TRPC3: variants seen among roughly 807,000 people sequenced by gnomAD.
TRPC3 encodes short transient receptor potential channel 3.
In TRPC3, 54 loss-of-function variants were observed where a neutral mutation model predicts 90.9. The ratio of observed to expected loss-of-function variants is 0.59; its 90% CI spans 0.48 to 0.75. The LOEUF (loss-of-function observed/expected upper bound fraction) is 0.75. TRPC3 is among the 30% of genes least tolerant of loss of function. The pLI is 0.00. For synonymous variants in TRPC3, 424 were observed against 450.9 expected (o/e 0.94, Z 0.75); for missense variants, 918 against 1,194.5 (o/e 0.77, Z 3.41).
Position 121,874,895 on chromosome 4 carries a change from G to T in TRPC3, c.*4841C>A, listed in dbSNP as rs1007514138. Among the ~76,000 whole-genome samples the T allele has an allele frequency of 6.6e-6, 1 of 152,000 alleles. No homozygotes were observed. Among genetic ancestry groups the T allele is most frequent in the African/African-American group, 2.4e-5 (1 of 41,344 alleles). ...TGCCTGTAGTCTCAGCTATTTGAAG[G>T]CTGAGGCTCAAGATTGCTTGAGCCC... On this transcript the variant is annotated 3_prime_UTR_variant, in exon 12 of 12. Transcript: ENST00000379645.
chr4:121,946,802 C>T (rs1398466528), intron 1 of TRPC3, among the ~76,000 whole-genome samples: 2 of 152,094 alleles, frequency 1.3e-5, no homozygotes, highest in East Asian at 3.8e-4. Context: ...ATAAAAATAA[C>T]TTAAACCAAC....
chr4:121,943,029 A>G (rs1197787571), intron 1 of TRPC3, among the ~76,000 whole-genome samples: 3 of 152,170 alleles, frequency 2.0e-5, no homozygotes, highest in African/African-American at 7.2e-5. Flanking sequence ...CTATCTCCCC[A>G]ATGATATTAA....
At chr4:121,912,239 T>A in intron 4 of TRPC3, 146 bp from the exon 5 acceptor site, 1 of 654,570 alleles carries the variant, frequency 1.5e-6, no homozygotes, top group Admixed American at 3.0e-5. Context: ...TTATGAAAAA[T>A]ATTCTTTTTT....
intron 3 of TRPC3, among the ~76,000 whole-genome samples, chr4:121,916,558 T>C (rs935643060): frequency 6.6e-6 from 1 of 152,166 alleles, no homozygotes; most frequent in Non-Finnish European, 1.5e-5. Context: ...TGAATGAGAC[T>C]GGAGCCCTGA....
rs565545560 is a variant in TRPC3 at position 121,913,110 on chromosome 4, T to C, written c.1342-1017A>G. Among the ~76,000 whole-genome samples the C allele has an allele frequency of 1.2e-3, 177 of 152,324 alleles. 2 individuals are homozygous for C. Among genetic ancestry groups the C allele is most frequent in the African/African-American group, 4.0e-3 (167 of 41,574 alleles). ...AAAGAGATGTCAGGGATTTTTGGGA[T>C]TGAACATGAATGCACACAGACGAAT... On this transcript the variant is annotated intron_variant, in intron 4 of 11. Transcript: ENST00000379645.
At chr4:121,935,417 G>GT (rs1343848913) in intron 1 of TRPC3, among the ~76,000 whole-genome samples, 8 of 109,814 alleles carry the variant, frequency 7.3e-5, no homozygotes, top group African/African-American at 3.2e-4. Context: ...GGACATGTGT[G>GT]GGGTGTGTGT....
intron 4 of TRPC3, 66 bp from the exon 5 acceptor site, chr4:121,912,159 C>T (rs906496): frequency 0.34 from 472,741 of 1,387,862 alleles, 80,443 homozygotes; most frequent in East Asian, 0.43. Flanking sequence ...GAGATTACAA[C>T]ATAGGATTAA....
At chr4:121,950,225 C>CTG (rs955824395) in intron 1 of TRPC3, among the ~76,000 whole-genome samples, 14 of 151,986 alleles carry the variant, frequency 9.2e-5, no homozygotes, top group Non-Finnish European at 1.6e-4. Flanking sequence ...GATTGTGTTC[C>CTG]TGTGTTCTAC....
At chr4:121,892,687 A>C (rs1728369429) in intron 10 of TRPC3, among the ~76,000 whole-genome samples, 1 of 152,218 alleles carries the variant, frequency 6.6e-6, no homozygotes, top group Non-Finnish European at 1.5e-5. Flanking sequence ...TTAAAATGTC[A>C]CTGAATACAC....
At position 121,875,787 on chromosome 4, in the gene TRPC3, G is replaced by A. The variant is rs769797283; in HGVS notation, c.*3949C>T. Among the ~76,000 whole-genome samples the A allele has an allele frequency of 1.3e-4, 19 of 151,804 alleles. No individual in the cohort carries two copies. Among genetic ancestry groups the A allele is most frequent in the Non-Finnish European group, 2.5e-4 (17 of 67,962 alleles). Reference sequence around the variant, plus strand: ...GCTAGTGGTGGTCAGCTGAGTGACTGAGTCATGAGTAAAAACATTAGTTTC... The same window carrying A: ...GCTAGTGGTGGTCAGCTGAGTGACTAAGTCATGAGTAAAAACATTAGTTTC... On this transcript the variant is annotated 3_prime_UTR_variant, in exon 12 of 12. Transcript: ENST00000379645.
chr4:121,913,334 A>C (rs1310820472), intron 4 of TRPC3, among the ~76,000 whole-genome samples: 4 of 152,234 alleles, frequency 2.6e-5, no homozygotes, highest in African/African-American at 9.6e-5. Flanking sequence ...GCAGAATGCC[A>C]ATCTCAAAAA....
chr4:121,897,212 C>T (rs917311203), intron 10 of TRPC3, among the ~76,000 whole-genome samples: 1 of 151,776 alleles, frequency 6.6e-6, no homozygotes, highest in Non-Finnish European at 1.5e-5. Flanking sequence ...AGGAGAAATG[C>T]TTCAGGACAC....
At chr4:121,924,411 G>A (rs1475942435) in intron 3 of TRPC3, among the ~76,000 whole-genome samples, 2 of 152,150 alleles carry the variant, frequency 1.3e-5, no homozygotes, top group Non-Finnish European at 2.9e-5. Flanking sequence ...TGAGGGAACT[G>A]AAATTTAAAA....
chr4:121,935,971 T>A (rs1223744198), intron 1 of TRPC3, among the ~76,000 whole-genome samples: 2 of 152,230 alleles, frequency 1.3e-5, no homozygotes, highest in African/African-American at 4.8e-5. Context: ...TATACCTCCA[T>A]ACTATATATT....
intron 1 of TRPC3, among the ~76,000 whole-genome samples, chr4:121,945,821 C>T (rs1291253163): frequency 2.6e-5 from 4 of 152,174 alleles, no homozygotes; most frequent in South Asian, 2.1e-4. Flanking sequence ...TTGCCCAGTT[C>T]GTCAATACTA....
chr4:121,945,913 T>C (rs1037902366), intron 1 of TRPC3, among the ~76,000 whole-genome samples: 11 of 151,918 alleles, frequency 7.2e-5, no homozygotes, highest in African/African-American at 2.7e-4. Flanking sequence ...AAATAAAGAA[T>C]GCTATAAAAA....
chr4:121,882,663 CT>C (rs778273881), intron 10 of TRPC3, among the ~76,000 whole-genome samples: 39 of 152,090 alleles, frequency 2.6e-4, no homozygotes, highest in Non-Finnish European at 4.6e-4. Context: ...ACGGAAGAAG[CT>C]TTTAAAAAGA....
intron 1 of TRPC3, among the ~76,000 whole-genome samples, chr4:121,946,950 A>G (rs1730509813): frequency 6.6e-6 from 1 of 152,032 alleles, no homozygotes; most frequent in South Asian, 2.1e-4. Flanking sequence ...TGGGAGGTAG[A>G]GGTAGGAGGA....
intron 3 of TRPC3, among the ~76,000 whole-genome samples, chr4:121,919,353 C>T (rs908573064): frequency 6.6e-6 from 1 of 152,114 alleles, no homozygotes; most frequent in Admixed American, 6.5e-5. Flanking sequence ...ACTGTTAGAG[C>T]CACAATTCAT....
Sources: allele counts gnomAD v4.1 joint callset (sites outside exome capture counted in the v4.1 genomes callset), GRCh38; gene constraint gnomAD v4.1.1; transcripts MANE v1.5; gene names NCBI Gene and HGNC (gene_info 2026-07-23, HGNC 2026-07-21).